FRMD4A: variants seen among roughly 807,000 people sequenced by gnomAD.
FRMD4A encodes the protein FERM domain-containing protein 4A.
Under a neutral mutation model 129.1 loss-of-function variants are expected in FRMD4A, and 29 were observed. The ratio of observed to expected loss-of-function variants is 0.22; its 90% CI spans 0.17 to 0.31. FRMD4A has a LOEUF of 0.31. FRMD4A is among the 10% of genes least tolerant of loss of function. The probability of loss-of-function intolerance (pLI) is 1.00; values close to 1 mark genes in which losing one functional copy is unlikely to be tolerated. For synonymous variants in FRMD4A, 634 were observed against 571.6 expected (o/e 1.11, Z -1.56); for missense variants, 1,272 against 1,375.8 (o/e 0.92, Z 1.19).
intron 2 of FRMD4A, among the ~76,000 whole-genome samples, chr10:13,943,328 G>T (rs553540728): frequency 1.2e-4 from 19 of 152,136 alleles, no homozygotes; most frequent in Non-Finnish European, 1.9e-4. Flanking sequence ...ATAGATAATT[G>T]AGCAAAAATA....
At chr10:14,098,237 A>G (rs1349871732) in intron 2 of FRMD4A, among the ~76,000 whole-genome samples, 2 of 150,622 alleles carry the variant, frequency 1.3e-5, no homozygotes, top group Non-Finnish European at 2.9e-5. Flanking sequence ...GTCACCCCTA[A>G]TTCCTGTCTC....
intron 2 of FRMD4A, among the ~76,000 whole-genome samples, chr10:13,969,298 G>A (rs1280863656): frequency 6.6e-6 from 1 of 152,250 alleles, no homozygotes; most frequent in African/African-American, 2.4e-5. Context: ...CAAGGGCCTG[G>A]CTTGGCCAGA....
chr10:13,706,937 T>C, intron 13 of FRMD4A, 100 bp downstream of exon 13: 1 of 709,402 alleles, frequency 1.4e-6, no homozygotes, highest in Non-Finnish European at 2.6e-6. Context: ...CGCTCCCTGC[T>C]CCAAACTGAC....
At position 13,762,656 on chromosome 10, in the gene FRMD4A, C is replaced by T. The variant is rs2092121269; in HGVS notation, c.409G>A (p.Val137Met). Residue 137 changes from valine (V) to methionine (M), a missense_variant, in exon 7 of 25, where the codon GTG becomes ATG. Val to Met is a conservative substitution (Grantham distance 21, BLOSUM62 1). Around this residue, in one of 2 missense-constraint regions of FRMD4A, gnomAD observed 300 missense variants for 483.6 expected, o/e 0.62. Coordinates refer to ENST00000357447, the MANE Select transcript of FRMD4A (RefSeq NM_018027.5). ...ATATAGGAAGCTAATTCAAACACCA[C>T]TTCGCTGTCAACGTCAATAAGCTCC... ...YKELIDVDSE[V>M]VFELASYILQ... 1 of 1,608,804 alleles carries T rather than the reference C, an allele frequency of 6.2e-7. No homozygotes were observed. The highest frequency in any genetic ancestry group is 8.5e-7 in the Non-Finnish European group (1 of 1,175,390).
intron 2 of FRMD4A, among the ~76,000 whole-genome samples, chr10:14,002,321 C>T (rs549745455): frequency 3.3e-5 from 5 of 152,302 alleles, no homozygotes; most frequent in African/African-American, 1.2e-4. Context: ...CATGCATTAA[C>T]TTTGTTCCAC....
intron 2 of FRMD4A, among the ~76,000 whole-genome samples, chr10:14,297,015 G>A (rs967330606): frequency 7.2e-5 from 11 of 152,080 alleles, no homozygotes; most frequent in Admixed American, 1.3e-4. Context: ...CCCATGTCAG[G>A]GGCAACTGAA....
At chr10:14,283,214 G>A (rs187850841) in intron 2 of FRMD4A, among the ~76,000 whole-genome samples, 2 of 152,222 alleles carry the variant, frequency 1.3e-5, no homozygotes, top group Admixed American at 6.5e-5. Context: ...CAGCTAAATC[G>A]CCCAACCTCA....
chr10:14,311,962 GTGTTAAACA>G (rs1223950226), intron 2 of FRMD4A, among the ~76,000 whole-genome samples: 5 of 152,088 alleles, frequency 3.3e-5, no homozygotes, highest in Non-Finnish European at 5.9e-5. Context: ...GAACTCCCTG[GTGTTAAACA>G]ATTACCAGGG....
At chr10:14,039,385 TCC>T (rs1565204421) in intron 2 of FRMD4A, among the ~76,000 whole-genome samples, 8 of 125,076 alleles carry the variant, frequency 6.4e-5, no homozygotes, top group African/African-American at 2.6e-4. Flanking sequence ...CATCCATCCA[TCC>T]ATCCATCCAT....
intron 2 of FRMD4A, among the ~76,000 whole-genome samples, chr10:14,318,578 C>T (rs1195814149): frequency 1.5e-5 from 2 of 130,316 alleles, no homozygotes; most frequent in East Asian, 2.3e-4. Flanking sequence ...GGATGAAAAT[C>T]GGAAAACTCA....
chr10:14,204,449 C>T (rs1842725002), intron 2 of FRMD4A, among the ~76,000 whole-genome samples: 1 of 152,022 alleles, frequency 6.6e-6, no homozygotes, highest in South Asian at 2.1e-4. Context: ...CTATATCATC[C>T]ATAACTAATT....
chr10:14,253,909 A>G (rs966412771), intron 2 of FRMD4A, among the ~76,000 whole-genome samples: 1 of 151,764 alleles, frequency 6.6e-6, no homozygotes, highest in Non-Finnish European at 1.5e-5. Context: ...TGCAAATGCC[A>G]GCTTTCTCTC....
At chr10:13,781,888 T>G (rs1461991495) in intron 6 of FRMD4A, among the ~76,000 whole-genome samples, 1 of 152,116 alleles carries the variant, frequency 6.6e-6, no homozygotes, top group Non-Finnish European at 1.5e-5. Flanking sequence ...AGCTCTTGGG[T>G]GAATGACGGT....
At chr10:14,276,436 T>C (rs1845343249) in intron 2 of FRMD4A, among the ~76,000 whole-genome samples, 1 of 152,212 alleles carries the variant, frequency 6.6e-6, no homozygotes, top group Admixed American at 6.5e-5. Context: ...TCTTTTGCTT[T>C]ACTCCTGCCT....
In FRMD4A at chr10:13,931,694, T is replaced by G. The variant is rs145037500; in HGVS notation, c.46-72782A>C. ...GGCTCATGCTTGTAATCCCAGCACT[T>G]TGGGAGGCCACGGTGGGCAGATCAC... On this transcript the variant is annotated intron_variant, in intron 2 of 24. Coordinates refer to ENST00000357447, the MANE Select transcript of FRMD4A (RefSeq NM_018027.5). Among the ~76,000 whole-genome samples the G allele has an allele frequency of 2.6e-3, 387 of 151,040 alleles. 3 individuals carry two copies. Among genetic ancestry groups the G allele is most frequent in the African/African-American group, 8.9e-3 (364 of 41,074 alleles).
At chr10:14,223,668 G>T (rs994721275) in intron 2 of FRMD4A, among the ~76,000 whole-genome samples, 28 of 151,170 alleles carry the variant, frequency 1.9e-4, no homozygotes, top group African/African-American at 6.6e-4. Flanking sequence ...TTCTGGCTGG[G>T]AGGTTGAGGC....
chr10:13,869,075 G>A (rs940504205), intron 2 of FRMD4A, among the ~76,000 whole-genome samples: 1 of 152,166 alleles, frequency 6.6e-6, no homozygotes. Context: ...TGCTGCTCAT[G>A]CAGCAAAAGG....
At chr10:13,884,998 T>C (rs908373592) in intron 2 of FRMD4A, among the ~76,000 whole-genome samples, 1 of 152,228 alleles carries the variant, frequency 6.6e-6, no homozygotes, top group Non-Finnish European at 1.5e-5. Flanking sequence ...GATGGGATCA[T>C]ATCCCCCCAA....
chr10:13,745,214 A>G (rs2135066437), intron 9 of FRMD4A, among the ~76,000 whole-genome samples: 1 of 152,350 alleles, frequency 6.6e-6, no homozygotes, highest in South Asian at 2.1e-4. Flanking sequence ...TAAGAATCAA[A>G]GTCCATATAA....
Sources: gnomAD v4.1 joint callset for allele counts (sites outside exome capture counted in the v4.1 genomes callset) on GRCh38, gnomAD v4.1.1 for gene constraint, gnomAD v4.1.1 regional missense constraint, MANE v1.5 for transcripts, NCBI Gene and HGNC (gene_info 2026-07-23, HGNC 2026-07-21) for gene names.